The following FAHD2B variants were observed in gnomAD, a reference collection of about 807,000 sequenced individuals.
FAHD2B encodes fumarylacetoacetate hydrolase domain containing 2B.
In FAHD2B, 26 loss-of-function variants were observed where a neutral mutation model predicts 33.7. The observed-to-expected ratio is 0.77, with a 90% CI of 0.57 to 1.07. The LOEUF (loss-of-function observed/expected upper bound fraction) is 1.07, where lower values mean the gene tolerates loss of function less well. Among genes scored for constraint, FAHD2B ranks in the 50% least tolerant of loss-of-function variants. The probability of loss-of-function intolerance (pLI) is 0.00; values close to 1 mark genes in which losing one functional copy is unlikely to be tolerated. For synonymous variants in FAHD2B, 108 were observed against 150.9 expected (o/e 0.72, Z 2.08); for missense variants, 272 against 388.1 (o/e 0.70, Z 2.51).
intron 1 of FAHD2B, among the ~76,000 whole-genome samples, chr2:97,092,255 T>A (rs1488724062): frequency 6.6e-6 from 1 of 152,170 alleles, no homozygotes; most frequent in Non-Finnish European, 1.5e-5. Context: ...ATAAGCAATT[T>A]TTTAAATGCT....
downstream of FAHD2B, among the ~76,000 whole-genome samples, chr2:97,080,286 G>A (rs1287098310): frequency 6.6e-6 from 1 of 152,048 alleles, no homozygotes; most frequent in Non-Finnish European, 1.5e-5. Context: ...TGAGGCTGGA[G>A]TCCAGTTTCA....
intron 5 of FAHD2B, 125 bp downstream of exon 5, chr2:97,086,014 C>A: frequency 7.8e-7 from 1 of 1,283,780 alleles, no homozygotes; most frequent in East Asian, 2.4e-5. Flanking sequence ...AGCAAGGAGG[C>A]TGACTGCTTC....
chr2:97,078,977 A>C (rs1261420369), downstream of FAHD2B, among the ~76,000 whole-genome samples: 2 of 151,950 alleles, frequency 1.3e-5, no homozygotes, highest in Non-Finnish European at 2.9e-5. Context: ...ATATGTTCTC[A>C]TCATTTAGCT....
chr2:97,088,235 A>G (rs574719212), intron 4 of FAHD2B, among the ~76,000 whole-genome samples: 6 of 152,104 alleles, frequency 3.9e-5, no homozygotes, highest in Non-Finnish European at 8.8e-5. Context: ...AGACCATATG[A>G]CACTCAAAGC....
chr2:97,081,854 C>G (rs1302002630), downstream of FAHD2B: 12 of 549,696 alleles, frequency 2.2e-5, no homozygotes, highest in Non-Finnish European at 3.2e-5. Flanking sequence ...TGCAAGTTGG[C>G]CCAGCAGGTG....
In FAHD2B at chr2:97,094,869, C is replaced by G. The variant is rs574835772; in HGVS notation, c.-301G>C. ...GCTCGGTGCGCACTCCAGCGAGAAG[C>G]GGGCGCGTCCTGTGACGTCACAGGC... On this transcript the variant is annotated 5_prime_UTR_variant, in exon 1 of 9. Coordinates refer to ENST00000414820, the MANE Select transcript of FAHD2B (RefSeq NM_001320848.2). The G allele has an allele frequency of 1.5e-5, 2 of 134,278 alleles. No homozygotes were observed. The highest frequency in any genetic ancestry group is 5.5e-4 in the South Asian group (2 of 3,638). The allele number at this position is 134,278 out of a possible 1,614,324, so 8.3% of individuals were successfully genotyped here.
chr2:97,080,886 G>A (rs991832988), downstream of FAHD2B, among the ~76,000 whole-genome samples: 6 of 152,088 alleles, frequency 3.9e-5, no homozygotes, highest in African/African-American at 1.4e-4. Context: ...CTCTCAGCTC[G>A]ATTGTTGTTG....
chr2:97,086,114 T>G, intron 5 of FAHD2B, 25 bp downstream of exon 5: 2 of 1,612,016 alleles, frequency 1.2e-6, no homozygotes, highest in African/African-American at 2.7e-5. Context: ...CACTCTGGCC[T>G]GGGAGCCCAC....
chr2:97,083,243 A>C (rs1194163711), downstream of FAHD2B: 5 of 1,608,814 alleles, frequency 3.1e-6, no homozygotes, highest in Admixed American at 6.8e-5. Flanking sequence ...TTCATCCGGC[A>C]GTTCATTTGT....
chr2:97,080,856 G>A (rs545033266), downstream of FAHD2B, among the ~76,000 whole-genome samples: 8 of 152,154 alleles, frequency 5.3e-5, no homozygotes, highest in East Asian at 1.5e-3. Flanking sequence ...ATTGTGAGTG[G>A]GAGCTCACTC....
At position 97,091,499 on chromosome 2, in the gene FAHD2B, G is replaced by A; in HGVS notation, c.208C>T (p.Leu70=). ...PTLPKTMTQF[L]EQGEATLSVA... ...GAGAGGGTGGCCTCTCCCTGCTCTA[G>A]GAACTGCGTCATCGTCTTTGGGAGT... Residue 70 remains leucine, a synonymous_variant, in exon 3 of 9, where the codon CTA becomes TTA. Coordinates refer to ENST00000414820, the MANE Select transcript of FAHD2B (RefSeq NM_001320848.2). 5 of 1,613,198 alleles carry A rather than the reference G, an allele frequency of 3.1e-6. No individual in the cohort carries two copies. Among genetic ancestry groups the A allele is most frequent in the Non-Finnish European group, 4.2e-6 (5 of 1,179,824 alleles).
At chr2:97,083,379 G>A, downstream of FAHD2B, 1 of 1,472,940 alleles carries the variant, frequency 6.8e-7, no homozygotes, top group Non-Finnish European at 9.0e-7. Flanking sequence ...AATCATTGAG[G>A]CTTGATTGTC....
chr2:97,083,225 T>G, downstream of FAHD2B: 2 of 1,609,112 alleles, frequency 1.2e-6, no homozygotes, highest in Non-Finnish European at 8.5e-7. Context: ...CAGGAAAAAC[T>G]AGAACAGTTC....
chr2:97,084,396 C>T, intron 6 of FAHD2B, 119 bp from the exon 7 acceptor site: 2 of 1,115,898 alleles, frequency 1.8e-6, no homozygotes, highest in East Asian at 2.5e-5. Context: ...CTTTAAAGTG[C>T]CCACATTGAC....
chr2:97,083,053 G>A, downstream of FAHD2B: 8 of 1,351,134 alleles, frequency 5.9e-6, no homozygotes, highest in Non-Finnish European at 7.9e-6. Context: ...AGGTCTCAAG[G>A]CAGGTTTCTG....
At chr2:97,082,108 T>A, downstream of FAHD2B, 1 of 1,580,906 alleles carries the variant, frequency 6.3e-7, no homozygotes, top group South Asian at 1.1e-5. Context: ...GGGCCAGTAC[T>A]CCAGGGTGTG....
At chr2:97,088,439 G>A (rs1007148170) in intron 4 of FAHD2B, among the ~76,000 whole-genome samples, 3 of 152,050 alleles carry the variant, frequency 2.0e-5, no homozygotes, top group African/African-American at 7.2e-5. Context: ...TTTTAAAAAC[G>A]GGAGTTTCTC....
chr2:97,082,099 G>A (rs2031665062), downstream of FAHD2B: 1 of 1,583,488 alleles, frequency 6.3e-7, no homozygotes, highest in African/African-American at 1.5e-5. Flanking sequence ...AGAGACCGAG[G>A]GCCAGTACTC....
Position 97,084,309 on chromosome 2 carries a change from C to A in FAHD2B, c.686-32G>T, listed in dbSNP as rs955704740. 5 of 1,610,750 alleles carry A rather than the reference C, an allele frequency of 3.1e-6. No homozygotes were observed. In the African/African-American group the frequency reaches 5.3e-5, roughly 17 times the overall value. On this transcript the variant is annotated intron_variant, in intron 6 of 8. Coordinates refer to ENST00000414820, the MANE Select transcript of FAHD2B (RefSeq NM_001320848.2). ...TGCAAAGATGGAACCTTGGAGTTATCCCTTTTCCCCCTCAAACCCCCCAGT... is the reference window on the plus strand; with the variant it reads ...TGCAAAGATGGAACCTTGGAGTTATACCTTTTCCCCCTCAAACCCCCCAGT...
Sources: allele counts gnomAD v4.1 joint callset (sites outside exome capture counted in the v4.1 genomes callset), GRCh38; gene constraint gnomAD v4.1.1; transcripts MANE v1.5; gene names NCBI Gene and HGNC (gene_info 2026-07-23, HGNC 2026-07-21).